The following ATP9B variants were observed in gnomAD, a reference collection of about 807,000 sequenced individuals.
The protein encoded by ATP9B is probable phospholipid-transporting ATPase IIB.
Under a neutral mutation model 146.1 loss-of-function variants are expected in ATP9B, and 110 were observed. The ratio of observed to expected loss-of-function variants is 0.75; its 90% CI spans 0.65 to 0.88. The LOEUF (loss-of-function observed/expected upper bound fraction) is 0.88, where lower values mean the gene tolerates loss of function less well. Ranked by LOEUF, ATP9B falls within the 40% of genes least tolerant of loss-of-function variation. The pLI, the probability that ATP9B is intolerant of heterozygous loss-of-function variation, is 0.00. For missense variants in ATP9B, 1,499 were observed against 1,496.4 expected (o/e 1.00, Z -0.03); for synonymous variants, 604 against 569.7 (o/e 1.06, Z -0.86).
chr18:79,094,422 G>A lies in ATP9B; in HGVS notation c.120-2054G>A, dbSNP rs114570303. On this transcript the variant is annotated intron_variant, in intron 1 of 29. Transcript: ENST00000426216. Reference sequence around the variant, plus strand: ...TTTTCTCTCAGAGTTTTAGCTGTTCGTGTTGTTGTGAAGGTCCACCTGACT... The same window carrying A: ...TTTTCTCTCAGAGTTTTAGCTGTTCATGTTGTTGTGAAGGTCCACCTGACT... Among the ~76,000 whole-genome samples the A allele has an allele frequency of 3.3e-3, 502 of 152,218 alleles. 1 individual carries two copies. Among genetic ancestry groups the A allele is most frequent in the African/African-American group, 0.011 (441 of 41,526 alleles).
intron 15 of ATP9B, among the ~76,000 whole-genome samples, chr18:79,328,454 A>G (rs915535905): frequency 4.6e-5 from 7 of 152,246 alleles, no homozygotes; most frequent in African/African-American, 7.2e-5. Flanking sequence ...AGTACCTGCC[A>G]TATGCCAGAG....
chr18:79,357,783 GACCCT>G (rs1161221014), intron 25 of ATP9B, among the ~76,000 whole-genome samples: 1 of 4,910 alleles, frequency 2.0e-4, no homozygotes, highest in Non-Finnish European at 4.4e-4. Context: ...CTGTGTGAGG[GACCCT>G]GTGTGAGGGG....
chr18:79,183,120 A>G (rs2095268819), intron 8 of ATP9B, among the ~76,000 whole-genome samples: 1 of 152,216 alleles, frequency 6.6e-6, no homozygotes. Flanking sequence ...CTAGTAGAAT[A>G]TTTATTCAAC....
At chr18:79,294,969 G>C (rs575515456) in intron 13 of ATP9B, among the ~76,000 whole-genome samples, 1 of 152,234 alleles carries the variant, frequency 6.6e-6, no homozygotes, top group East Asian at 1.9e-4. Context: ...AAGAACATAC[G>C]TTCCTGGATT....
intron 7 of ATP9B, among the ~76,000 whole-genome samples, chr18:79,155,472 C>T (rs1288112719): frequency 2.0e-5 from 3 of 152,208 alleles, no homozygotes; most frequent in African/African-American, 7.2e-5. Context: ...CAAGTGGGCA[C>T]ACGTTTTCAT....
At chr18:79,117,148 A>T (rs2094099133) in intron 4 of ATP9B, 1 of 152,178 alleles carries the variant, frequency 6.6e-6, no homozygotes, top group South Asian at 2.1e-4. Flanking sequence ...TAAATTTTAA[A>T]AGGTGGCTCA....
At chr18:79,285,642 T>C (rs955436844) in intron 13 of ATP9B, among the ~76,000 whole-genome samples, 15 of 152,194 alleles carry the variant, frequency 9.9e-5, no homozygotes. Context: ...TTTGTCAATT[T>C]TGGCTTTTGT....
intron 1 of ATP9B, among the ~76,000 whole-genome samples, chr18:79,081,061 G>T (rs1398295220): frequency 6.6e-6 from 1 of 152,192 alleles, no homozygotes; most frequent in Non-Finnish European, 1.5e-5. Flanking sequence ...GTTCATCAGG[G>T]ATATTGGCCT....
chr18:79,104,548 C>G (rs1033401444), intron 2 of ATP9B, among the ~76,000 whole-genome samples: 2 of 152,222 alleles, frequency 1.3e-5, no homozygotes, highest in South Asian at 4.1e-4. Context: ...ACTAATTTTT[C>G]TGGTTTTTCA....
chr18:79,337,233 C>T (rs1391545836), intron 18 of ATP9B, 46 bp from the exon 19 acceptor site: 18 of 1,593,106 alleles, frequency 1.1e-5, no homozygotes, highest in Non-Finnish European at 1.5e-5. Flanking sequence ...AGTCCACACA[C>T]AGCACGTACA....
chr18:79,164,517 C>G (rs2094934441), intron 7 of ATP9B, among the ~76,000 whole-genome samples: 1 of 152,034 alleles, frequency 6.6e-6, no homozygotes, highest in African/African-American at 2.4e-5. Flanking sequence ...AGATCGGGAC[C>G]ATCCTGGCTA....
chr18:79,292,321 C>T (rs922768377), intron 13 of ATP9B, among the ~76,000 whole-genome samples: 4 of 152,184 alleles, frequency 2.6e-5, no homozygotes, highest in African/African-American at 9.6e-5. Context: ...AGGAGTCACC[C>T]AGCCCTCTAT....
intron 18 of ATP9B, 149 bp downstream of exon 18, chr18:79,336,860 C>T: frequency 1.3e-6 from 1 of 779,454 alleles, no homozygotes; most frequent in East Asian, 2.7e-5. Flanking sequence ...ATGGGGTGAT[C>T]CTGTCTGCAT....
At chr18:79,296,634 A>G (rs1568605541) in intron 13 of ATP9B, among the ~76,000 whole-genome samples, 1 of 152,238 alleles carries the variant, frequency 6.6e-6, no homozygotes, top group Non-Finnish European at 1.5e-5. Flanking sequence ...CAGGGCAGAA[A>G]CAGTAGTGCA....
rs1037731590 is a variant in ATP9B, at chr18:79,128,147, C to G, written c.667+1772C>G. On this transcript the variant is annotated intron_variant, in intron 5 of 29. Transcript: ENST00000426216. The stretch of plus-strand genomic sequence containing the variant: ...CAACCTCTGCTCACTGCTACCTCCT[C>G]CTCCCGGGTTCGGGCGATTCTCCTG... Among the ~76,000 whole-genome samples the G allele has an allele frequency of 4.7e-5, 7 of 149,646 alleles. No homozygotes were observed. The Admixed American group carries it at 4.7e-4, about 10-fold the overall frequency.
At chr18:79,295,827 A>G (rs1046740172) in intron 13 of ATP9B, among the ~76,000 whole-genome samples, 2 of 152,302 alleles carry the variant, frequency 1.3e-5, no homozygotes, top group South Asian at 4.1e-4. Context: ...TCCCTCTCCC[A>G]GCCCTGAGGA....
At chr18:79,235,468 G>A (rs2095832507) in intron 11 of ATP9B, among the ~76,000 whole-genome samples, 1 of 151,622 alleles carries the variant, frequency 6.6e-6, no homozygotes, top group Non-Finnish European at 1.5e-5. Context: ...TATTATTGAC[G>A]GTCAGTATTT....
rs577975298 is a variant in ATP9B, at chr18:79,135,725, C to G, written c.668-8077C>G. Reference sequence around the variant, plus strand: ...AACTCTTTTCCTAACCCAGGTTTTACAAATGTTTCTTTCTGCTCTGTTTCT... The same window carrying G: ...AACTCTTTTCCTAACCCAGGTTTTAGAAATGTTTCTTTCTGCTCTGTTTCT... On this transcript the variant is annotated intron_variant, in intron 5 of 29. Transcript: ENST00000426216. Among the ~76,000 whole-genome samples, 3 of 152,284 alleles carry G rather than the reference C, an allele frequency of 2.0e-5. No homozygotes were observed. In the South Asian group the frequency reaches 6.2e-4, roughly 32 times the overall value.
intron 12 of ATP9B, 30 bp from the exon 13 acceptor site, chr18:79,277,024 C>G (rs1030778863): frequency 6.2e-7 from 1 of 1,613,572 alleles, no homozygotes; most frequent in African/African-American, 1.3e-5. Flanking sequence ...CTGGATCACA[C>G]TAACCACTGC....
Sources: allele counts gnomAD v4.1 joint callset (sites outside exome capture counted in the v4.1 genomes callset), GRCh38; gene constraint gnomAD v4.1.1; transcripts MANE v1.5; gene names NCBI Gene and HGNC (gene_info 2026-07-23, HGNC 2026-07-21).